CSMD1: variants seen among roughly 807,000 people sequenced by gnomAD.
CSMD1 encodes CUB and sushi domain-containing protein 1.
Under a neutral mutation model 417.5 loss-of-function variants are expected in CSMD1, and 213 were observed. That is an observed-to-expected ratio of 0.51 (90% CI 0.46 to 0.57). The LOEUF (loss-of-function observed/expected upper bound fraction) is 0.57, where lower values mean the gene tolerates loss of function less well. CSMD1 is among the 20% of genes least tolerant of loss of function. The probability of loss-of-function intolerance (pLI) is 0.00; values close to 1 mark genes in which losing one functional copy is unlikely to be tolerated. For missense variants in CSMD1, 6,923 were observed against 4,529.7 expected, an observed-to-expected ratio of 1.53 and a Z score of -15.17; for synonymous variants, 2,862 against 1,736.8, an observed-to-expected ratio of 1.65 and a Z score of -16.11.
Position 3,214,484 on chromosome 8 carries a change from A to G in CSMD1, c.4867+13T>C. The G allele has an allele frequency of 6.4e-7, 1 of 1,566,338 alleles. No individual in the cohort carries two copies. Among genetic ancestry groups the G allele is most frequent in the Non-Finnish European group, 8.6e-7 (1 of 1,157,190 alleles). Reference sequence around the variant, plus strand: ...AAGTTGTATTTCTAGAAAATACCCAAGCGTGCACTCACCATTGCAGGAGGG... The same window carrying G: ...AAGTTGTATTTCTAGAAAATACCCAGGCGTGCACTCACCATTGCAGGAGGG... On this transcript the variant is annotated intron_variant, in intron 30 of 69. Coordinates refer to ENST00000635120, the MANE Select transcript of CSMD1 (RefSeq NM_033225.6).
At chr8:3,940,534 T>C (rs894604008) in intron 5 of CSMD1, among the ~76,000 whole-genome samples, 5 of 148,392 alleles carry the variant, frequency 3.4e-5, no homozygotes, top group Non-Finnish European at 6.0e-5. Flanking sequence ...TGTGTGTGTG[T>C]GTATGTATGT....
chr8:4,001,767 G>C (rs778274952), intron 4 of CSMD1, among the ~76,000 whole-genome samples: 11 of 152,126 alleles, frequency 7.2e-5, no homozygotes, highest in African/African-American at 1.2e-4. Flanking sequence ...TAAGACCAGA[G>C]CACTGACTGC....
chr8:3,666,615 G>C (rs1040918794), intron 7 of CSMD1, among the ~76,000 whole-genome samples: 5 of 152,104 alleles, frequency 3.3e-5, no homozygotes, highest in East Asian at 1.9e-4. Context: ...TGTGTTGTGA[G>C]AGGGACCCAG....
intron 11 of CSMD1, among the ~76,000 whole-genome samples, chr8:3,482,460 C>T (rs931405514): frequency 6.6e-6 from 1 of 152,148 alleles, no homozygotes; most frequent in Non-Finnish European, 1.5e-5. Flanking sequence ...GATTGACCCA[C>T]CAGAAATATG....
chr8:3,564,284 G>A (rs1799599838), intron 10 of CSMD1, among the ~76,000 whole-genome samples: 1 of 151,880 alleles, frequency 6.6e-6, no homozygotes, highest in Non-Finnish European at 1.5e-5. Flanking sequence ...AGAAAAAAAA[G>A]AAACGGAGTA....
rs541250241 is a variant in CSMD1 at position 4,418,780 on chromosome 8, A to T, written c.415+1173T>A. On this transcript the variant is annotated intron_variant, in intron 3 of 69. Coordinates refer to ENST00000635120, the MANE Select transcript of CSMD1 (RefSeq NM_033225.6). ...TCAATTAGCCTGCTGCTTTCCAAAG[A>T]TTAACTTATTCCTTGATAGTAACGT... Among the ~76,000 whole-genome samples, 9 of 45,174 alleles carry T rather than the reference A, an allele frequency of 2.0e-4. No homozygotes were observed. In the South Asian group the frequency reaches 0.012, roughly 59 times the overall value. The allele number at this position is 45,174 out of a possible 152,430, so 29.6% of individuals were successfully genotyped here. A position where few individuals can be genotyped will look rare whatever the true frequency, so the allele number is the denominator to read the frequency against.
chr8:4,898,426 G>A (rs970771073), intron 1 of CSMD1, among the ~76,000 whole-genome samples: 1 of 152,156 alleles, frequency 6.6e-6, no homozygotes, highest in Non-Finnish European at 1.5e-5. Context: ...ACTGGGTGAT[G>A]GTCACAGAAG....
At chr8:3,753,851 C>G (rs1255102333) in intron 6 of CSMD1, 79 bp downstream of exon 6, 2 of 991,182 alleles carry the variant, frequency 2.0e-6, no homozygotes, top group Admixed American at 2.5e-5. Flanking sequence ...TATCCAACTC[C>G]TAAAATTTCA....
intron 1 of CSMD1, among the ~76,000 whole-genome samples, chr8:4,774,221 T>C (rs964931605): frequency 1.3e-5 from 2 of 152,076 alleles, no homozygotes; most frequent in Non-Finnish European, 2.9e-5. Flanking sequence ...AAAATAATCA[T>C]CTTTTCTTTC....
chr8:3,215,267 G>C (rs1003075804), intron 29 of CSMD1, among the ~76,000 whole-genome samples: 1 of 152,194 alleles, frequency 6.6e-6, no homozygotes, highest in African/African-American at 2.4e-5. Flanking sequence ...TCTGTTGTTA[G>C]TCTTAATAGA....
intron 26 of CSMD1, among the ~76,000 whole-genome samples, chr8:3,274,952 T>C (rs1234593937): frequency 6.6e-6 from 1 of 152,192 alleles, no homozygotes; most frequent in East Asian, 1.9e-4. Context: ...TTGTTATGTG[T>C]GAATTTGATC....
chr8:3,148,850 G>C (rs1243864647), intron 40 of CSMD1, among the ~76,000 whole-genome samples: 2 of 152,160 alleles, frequency 1.3e-5, no homozygotes, highest in Non-Finnish European at 2.9e-5. Context: ...AGAGGTTATA[G>C]AATTTATCAC....
At chr8:3,735,075 C>G (rs1796462132) in intron 6 of CSMD1, among the ~76,000 whole-genome samples, 1 of 152,180 alleles carries the variant, frequency 6.6e-6, no homozygotes, top group African/African-American at 2.4e-5. Context: ...AGGACACACG[C>G]CAGCCACCAC....
At chr8:4,263,062 G>A (rs1158050927) in intron 3 of CSMD1, among the ~76,000 whole-genome samples, 1 of 152,108 alleles carries the variant, frequency 6.6e-6, no homozygotes, top group African/African-American at 2.4e-5. Context: ...TTCTCTATGA[G>A]AACACTTTTA....
chr8:4,559,478 A>G (rs978929875), intron 2 of CSMD1, among the ~76,000 whole-genome samples: 2 of 152,206 alleles, frequency 1.3e-5, no homozygotes, highest in African/African-American at 2.4e-5. Flanking sequence ...GTAGAAAAGT[A>G]AGAGATAAAA....
chr8:3,611,253 A>C (rs1801879315), intron 8 of CSMD1, among the ~76,000 whole-genome samples: 1 of 150,832 alleles, frequency 6.6e-6, no homozygotes, highest in Non-Finnish European at 1.5e-5. Flanking sequence ...GTTAAATTAA[A>C]AAAAAAAAGA....
intron 20 of CSMD1, among the ~76,000 whole-genome samples, chr8:3,365,238 A>G (rs1430255491): frequency 2.0e-5 from 3 of 152,228 alleles, no homozygotes; most frequent in Admixed American, 6.5e-5. Flanking sequence ...CAAGAAATCA[A>G]GTGGTCTGAG....
intron 4 of CSMD1, among the ~76,000 whole-genome samples, chr8:4,001,549 C>T (rs140054661): frequency 8.5e-5 from 13 of 152,308 alleles, no homozygotes; most frequent in African/African-American, 3.1e-4. Flanking sequence ...TACCTCACTG[C>T]CATGCAGTTT....
At chr8:3,404,431 T>A (rs1163431938) in intron 15 of CSMD1, among the ~76,000 whole-genome samples, 2 of 151,856 alleles carry the variant, frequency 1.3e-5, no homozygotes, top group Middle Eastern at 3.2e-3. Context: ...TGGTGAAGGA[T>A]CATGCCCCCA....
Sources: allele counts gnomAD v4.1 joint callset (sites outside exome capture counted in the v4.1 genomes callset), GRCh38; gene constraint gnomAD v4.1.1; transcripts MANE v1.5; gene names NCBI Gene and HGNC (gene_info 2026-07-23, HGNC 2026-07-21).